The following RASGRP2 variants were observed in gnomAD, a reference collection of about 807,000 sequenced individuals.
The protein encoded by RASGRP2 is RAS guanyl releasing protein 2, also known as RAS guanyl-releasing protein 2.
A neutral mutation model predicts 71.0 loss-of-function variants in RASGRP2; 44 were observed. That is an observed-to-expected ratio of 0.62 (90% CI 0.49 to 0.80). The LOEUF (loss-of-function observed/expected upper bound fraction) is 0.80. Ranked by LOEUF, RASGRP2 falls within the 30% of genes least tolerant of loss-of-function variation. RASGRP2 has a pLI of 0.00. For synonymous variants in RASGRP2, 350 were observed against 330.7 expected, an observed-to-expected ratio of 1.06 and a Z score of -0.63; for missense variants, 663 against 813.4, an observed-to-expected ratio of 0.82 and a Z score of 2.25.
intron 12 of RASGRP2, among the ~76,000 whole-genome samples, chr11:64,733,853 C>CT (rs200730812): frequency 0.21 from 28,379 of 135,450 alleles, 4,218 homozygotes; most frequent in East Asian, 0.39. Flanking sequence ...CTTTTTTTTT[C>CT]TTTTTTTTTT....
At chr11:64,738,957 T>TAAA (rs34619826) in intron 8 of RASGRP2, among the ~76,000 whole-genome samples, 5 of 133,088 alleles carry the variant, frequency 3.8e-5, no homozygotes, top group Non-Finnish European at 4.7e-5. Flanking sequence ...ACCCCATCTC[T>TAAA]AAAAAAAAAA....
rs760096205 is a variant in RASGRP2 at position 64,739,726 on chromosome 11, G to A, written c.606C>T (p.Ser202=). 14 of 1,613,946 alleles carry A rather than the reference G, an allele frequency of 8.7e-6. No homozygotes were observed. Among genetic ancestry groups the A allele is most frequent in the African/African-American group, 4.0e-5 (3 of 75,042 alleles). The change falls in exon 7 of 17, where the codon AGC becomes AGT. Residue 202 remains serine, a synonymous_variant. Coordinates refer to ENST00000394432, the MANE Select transcript of RASGRP2 (RefSeq NM_001098671.2). This position sits in a 1 kb window ranked among gnomAD's most constrained non-coding sequence, Gnocchi z 4.2. Reference sequence around the variant, plus strand: ...TCATGAGCTGCACCCACTGTGAGACGCTGTTGAAGAGGGAGATGAACCGCT... The same window carrying A: ...TCATGAGCTGCACCCACTGTGAGACACTGTTGAAGAGGGAGATGAACCGCT... The part of the protein sequence containing the change: ...VLERFISLFN[S]VSQWVQLMIL...
chr11:64,740,393 C>A (rs2058084150), intron 5 of RASGRP2: 2 of 694,434 alleles, frequency 2.9e-6, no homozygotes, highest in African/African-American at 3.5e-5. Flanking sequence ...GTGCTAGGCG[C>A]TGGGAATACA....
intron 8 of RASGRP2, 142 bp from the exon 9 acceptor site, chr11:64,737,176 G>T: frequency 1.0e-6 from 1 of 960,606 alleles, no homozygotes; most frequent in Non-Finnish European, 1.6e-6. Flanking sequence ...CCCACGACTG[G>T]CTCTCTCAGC....
In RASGRP2 at chr11:64,736,781, G is replaced by T. The variant is rs532777492; in HGVS notation, c.1067C>A (p.Ala356Asp). 2.3e-5 allele frequency: 37 copies of T among 1,600,510 alleles called. No individual in the cohort carries two copies. The highest frequency in any genetic ancestry group is 3.2e-5 in the Non-Finnish European group (37 of 1,174,330). The part of the protein sequence containing the change: ...MVTSLRPPVQ[A>D]NPDLLSLLTV... Reference sequence around the variant, plus strand: ...GAGCAGGCTCAGCAGGTCGGGGTTGGCCTGTACTGGTGGCCGCAGGCTGGT... The same window carrying T: ...GAGCAGGCTCAGCAGGTCGGGGTTGTCCTGTACTGGTGGCCGCAGGCTGGT... The change falls in exon 9 of 17, where the codon GCC becomes GAC. Residue 356 changes from alanine to aspartate, a missense_variant. Transcript: ENST00000394432.
rs527775247 is a variant in RASGRP2 at position 64,729,614 on chromosome 11, G to C, written c.1591+148C>G. The C allele has an allele frequency of 1.3e-4, 129 of 1,025,092 alleles. 1 individual carries two copies. The highest frequency in any genetic ancestry group is 1.8e-4 in the Non-Finnish European group (117 of 667,380). The allele number at this position is 1,025,092 out of a possible 1,614,324, so 63.5% of individuals were successfully genotyped here. A position where few individuals can be genotyped will look rare whatever the true frequency, so the allele number is the denominator to read the frequency against. ...GGCCTCCCAAAGTGCTGGGATTACA[G>C]GCTTGAGCCACCATGCCCGGCCATG... On this transcript the variant is annotated intron_variant, in intron 14 of 16. Transcript: ENST00000394432.
chr11:64,737,209 C>A, intron 8 of RASGRP2, 175 bp from the exon 9 acceptor site: 2 of 733,368 alleles, frequency 2.7e-6, no homozygotes, highest in Non-Finnish European at 2.3e-6. Flanking sequence ...AATTCATTGC[C>A]ATGAATTCAA....
In RASGRP2 at chr11:64,742,942, C is replaced by T. The variant is rs1266682533; in HGVS notation, c.-71-5G>A. On this transcript the variant is annotated splice_polypyrimidine_tract_variant and splice_region_variant and intron_variant, in intron 1 of 16. Coordinates refer to ENST00000394432, the MANE Select transcript of RASGRP2 (RefSeq NM_001098671.2). The surrounding 1 kb of genome is among the most constrained non-coding windows in gnomAD (Gnocchi z 4.7). ...CACCGGGCTCGGACCGAACCCCTGTCCCGGGAGAGGCAGAGCGGGAGTCTG... is the reference window on the plus strand; with the variant it reads ...CACCGGGCTCGGACCGAACCCCTGTTCCGGGAGAGGCAGAGCGGGAGTCTG... 1.3e-6 allele frequency: 2 copies of T among 1,531,412 alleles called. No individual in the cohort carries two copies. Among genetic ancestry groups the T allele is most frequent in the Non-Finnish European group, 8.7e-7 (1 of 1,143,898 alleles). The allele number at this position is 1,531,412 out of a possible 1,614,324, so 94.9% of individuals were successfully genotyped here. A position where few individuals can be genotyped will look rare whatever the true frequency, so the allele number is the denominator to read the frequency against.
At chr11:64,732,675 G>A (rs535739457) in intron 12 of RASGRP2, among the ~76,000 whole-genome samples, 8 of 152,184 alleles carry the variant, frequency 5.3e-5, no homozygotes, top group African/African-American at 1.2e-4. Context: ...CAGCTACTCC[G>A]GAGGCTGAGG....
chr11:64,737,916 C>T (rs1055208874), intron 8 of RASGRP2, among the ~76,000 whole-genome samples: 7 of 151,468 alleles, frequency 4.6e-5, no homozygotes, highest in Non-Finnish European at 5.9e-5. Flanking sequence ...CGTGGTGGTA[C>T]GAGCCCATAA....
chr11:64,730,068 G>A lies in RASGRP2; in HGVS notation c.1539C>T (p.Arg513=). 6.4e-7 allele frequency: 1 copy of A among 1,550,856 alleles called. No homozygotes were observed. Among genetic ancestry groups the A allele is most frequent in the Admixed American group, 2.0e-5 (1 of 51,228 alleles). ...GGACTCTCACCAGGGCTTTGCAGTG[G>A]CGGCAGGCGACGGGGCGCAAGGAGT... ...ESNSLRPVAC[R]HCKALILGIY... The change falls in exon 13 of 17, where the codon CGC becomes CGT. Residue 513 remains arginine, a synonymous_variant. Transcript: ENST00000394432.
chr11:64,729,182 T>A, intron 14 of RASGRP2, 140 bp from the exon 15 acceptor site: 2 of 845,150 alleles, frequency 2.4e-6, no homozygotes, highest in Non-Finnish European at 3.8e-6. Flanking sequence ...CCTTCCAAAG[T>A]GTTCTCCTCC....
At chr11:64,740,717 C>T in intron 5 of RASGRP2, 1 of 674,664 alleles carries the variant, frequency 1.5e-6, no homozygotes. Context: ...GGGGAGCCGA[C>T]CCAGCGCAGC....
Position 64,735,573 on chromosome 11 carries a change from A to G in RASGRP2, c.1265T>C (p.Leu422Pro), listed in dbSNP as rs1691306738. The change falls in exon 11 of 17, where the codon CTC becomes CCC. Residue 422 changes from leucine (L) to proline (P), a missense_variant. Leu to Pro is a moderately conservative substitution (Grantham distance 98). Transcript: ENST00000394432. This position sits in a 1 kb window ranked among gnomAD's most constrained non-coding sequence, Gnocchi z 4.2. ...CATCTTCTCGATGTGCTCCACCACGAGGGCCTGATCCAGCTTGGGTTTGGC... is the reference window on the plus strand; with the variant it reads ...CATCTTCTCGATGTGCTCCACCACGGGGGCCTGATCCAGCTTGGGTTTGGC... ...SAAKPKLDQA[L>P]VVEHIEKMVE... is the part of the protein sequence containing the mutation. 6.2e-7 allele frequency: 1 copy of G among 1,614,046 alleles called. No homozygotes were observed. The highest frequency in any genetic ancestry group is 1.3e-5 in the African/African-American group (1 of 74,990).
chr11:64,730,001 C>A, intron 13 of RASGRP2, 52 bp downstream of exon 13: 4 of 1,535,740 alleles, frequency 2.6e-6, no homozygotes, highest in East Asian at 2.5e-5. Context: ...GAGGGCGGGG[C>A]CGGGGCTGGA....
chr11:64,740,652 G>A, intron 5 of RASGRP2: 1 of 647,558 alleles, frequency 1.5e-6, no homozygotes, highest in Non-Finnish European at 2.8e-6. Context: ...AGGCAGCAAG[G>A]GGGATGATAT....
Position 64,743,865 on chromosome 11 carries a change from G to T in RASGRP2, c.-72+138C>A. On this transcript the variant is annotated intron_variant, in intron 1 of 16. Transcript: ENST00000394432. This position sits in a 1 kb window ranked among gnomAD's most constrained non-coding sequence, Gnocchi z 4.9. The stretch of plus-strand genomic sequence containing the variant: ...ACCCAAGTTATTCGTCGGAGGCCGG[G>T]GACCTAAGTGGAGGTGCAGGCGTCC... The T allele has an allele frequency of 2.2e-6, 1 of 461,886 alleles. No individual in the cohort carries two copies. Among genetic ancestry groups the T allele is most frequent in the Non-Finnish European group, 3.0e-6 (1 of 334,300 alleles). 28.6% of individuals were successfully genotyped at this position (461,886 alleles called of 1,614,324 possible).
chr11:64,731,171 A>G (rs2057754532), intron 12 of RASGRP2, among the ~76,000 whole-genome samples: 1 of 152,214 alleles, frequency 6.6e-6, no homozygotes, highest in Non-Finnish European at 1.5e-5. Flanking sequence ...CCTGGCCAAC[A>G]TGGCAAAGCC....
rs768757510 is a variant in RASGRP2 at position 64,729,049 on chromosome 11, G to T, written c.1592-7C>A. On this transcript the variant is annotated splice_region_variant and splice_polypyrimidine_tract_variant and intron_variant, in intron 14 of 16. Coordinates refer to ENST00000394432, the MANE Select transcript of RASGRP2 (RefSeq NM_001098671.2). ...TGGCAGTTCACTCCACAGGCTGGGG[G>T]AGAGCAAATGGAGAGCCAGCCAGGG... The T allele has an allele frequency of 3.5e-5, 56 of 1,589,576 alleles. No individual in the cohort carries two copies. In the South Asian group the frequency reaches 6.2e-4, roughly 17 times the overall value.
Sources: gnomAD v4.1 joint callset for allele counts (sites outside exome capture counted in the v4.1 genomes callset) on GRCh38, gnomAD v4.1.1 for gene constraint, Gnocchi (gnomAD v3.1) non-coding constraint, MANE v1.5 for transcripts, NCBI Gene and HGNC (gene_info 2026-07-23, HGNC 2026-07-21) for gene names.